The following ATP2C2 variants were observed in gnomAD, a reference collection of about 807,000 sequenced individuals.
ATP2C2 encodes ATPase secretory pathway Ca2+ transporting 2.
ATP2C2 carries 171 observed loss-of-function variants against 110.8 expected under a neutral mutation model. The observed-to-expected ratio is 1.54, with a 90% CI of 1.36 to 1.75. The LOEUF (loss-of-function observed/expected upper bound fraction) is 1.75. Ranked by LOEUF, ATP2C2 falls within the 40% of genes most tolerant of loss-of-function variation. The pLI, the probability that ATP2C2 is intolerant of heterozygous loss-of-function variation, is 0.00. For synonymous variants in ATP2C2, 804 were observed against 508.4 expected, an observed-to-expected ratio of 1.58 and a Z score of -7.82; for missense variants, 1,963 against 1,235.0, an observed-to-expected ratio of 1.59 and a Z score of -8.84.
intron 4 of ATP2C2, among the ~76,000 whole-genome samples, chr16:84,409,783 G>A (rs574069997): frequency 1.4e-4 from 22 of 152,280 alleles, no homozygotes; most frequent in African/African-American, 4.3e-4. Context: ...GATTGTAGGC[G>A]TGAGCCACTG....
At chr16:84,456,305 A>C (rs1199648990) in intron 21 of ATP2C2, among the ~76,000 whole-genome samples, 1 of 151,550 alleles carries the variant, frequency 6.6e-6, no homozygotes, top group African/African-American at 2.4e-5. Context: ...ACAATTTCAG[A>C]GCCTGTTATT....
At chr16:84,407,063 C>G (rs1395326564) in intron 3 of ATP2C2, 1 of 152,252 alleles carries the variant, frequency 6.6e-6, no homozygotes, top group East Asian at 1.9e-4. Context: ...GACGGGAGCT[C>G]CTGACGGCTG....
At chr16:84,419,372 C>G (rs543274643) in intron 7 of ATP2C2, among the ~76,000 whole-genome samples, 28 of 152,292 alleles carry the variant, frequency 1.8e-4, no homozygotes, top group African/African-American at 5.5e-4. Context: ...TGTTACATCT[C>G]CCTGACATCA....
intron 1 of ATP2C2, among the ~76,000 whole-genome samples, chr16:84,398,118 T>A (rs548191664): frequency 9.2e-5 from 14 of 151,762 alleles, no homozygotes; most frequent in Middle Eastern, 3.4e-3. Context: ...AAAAAACACA[T>A]GTGGCCGGGC....
intron 7 of ATP2C2, among the ~76,000 whole-genome samples, chr16:84,420,987 G>A (rs559399923): frequency 1.3e-5 from 2 of 152,066 alleles, no homozygotes; most frequent in Non-Finnish European, 2.9e-5. Flanking sequence ...TGTATTTTTA[G>A]TAGAGACAGG....
chr16:84,395,805 C>T (rs896002137), intron 1 of ATP2C2, among the ~76,000 whole-genome samples: 1 of 152,164 alleles, frequency 6.6e-6, no homozygotes, highest in African/African-American at 2.4e-5. Context: ...TGGCCCTTTT[C>T]TTCTGGATTT....
At chr16:84,432,436 C>T (rs1403591101) in intron 11 of ATP2C2, among the ~76,000 whole-genome samples, 1 of 151,954 alleles carries the variant, frequency 6.6e-6, no homozygotes, top group Non-Finnish European at 1.5e-5. Context: ...CCCCCGAACC[C>T]CCCGACAGGC....
At chr16:84,461,958 AC>A (rs767417424) in intron 25 of ATP2C2, 29 bp from the exon 26 acceptor site, 2 of 1,610,594 alleles carry the variant, frequency 1.2e-6, no homozygotes, top group South Asian at 2.2e-5. Flanking sequence ...TGGACAGCAC[AC>A]AATCCCCCGT....
At chr16:84,397,878 G>T (rs1905090579) in intron 1 of ATP2C2, among the ~76,000 whole-genome samples, 1 of 151,880 alleles carries the variant, frequency 6.6e-6, no homozygotes, top group Admixed American at 6.5e-5. Context: ...AGACAAGAAA[G>T]CATGTATGAG....
Position 84,453,251 on chromosome 16 carries a change from C to A in ATP2C2, c.1929+16C>A, listed in dbSNP as rs1328204388. ...CGTGGGGAAGGTGGGTCCCCGGAGG[C>A]TTGGCTGGCAGTGGGGCTGGGTCAC... On this transcript the variant is annotated intron_variant, in intron 19 of 26. Coordinates refer to ENST00000262429, the MANE Select transcript of ATP2C2 (RefSeq NM_014861.4). 6.2e-7 allele frequency: 1 copy of A among 1,613,906 alleles called. No homozygotes were observed. Among genetic ancestry groups the A allele is most frequent in the Non-Finnish European group, 8.5e-7 (1 of 1,179,930 alleles).
At chr16:84,397,638 C>T (rs753821420) in intron 1 of ATP2C2, among the ~76,000 whole-genome samples, 3 of 40,540 alleles carry the variant, frequency 7.4e-5, no homozygotes, top group Non-Finnish European at 1.9e-4. Context: ...TGCACCACTG[C>T]ACTCCAGCCT....
At position 84,461,723 on chromosome 16, in the gene ATP2C2, G is replaced by C. The variant is rs1480842970; in HGVS notation, c.2491G>C (p.Asp831His). Reference sequence around the variant, plus strand: ...TGTGCTCACCTTCCAGATGCCTGAAGACAGAGCAAGCACTCCCCGCACCAC... The same window carrying C: ...TGTGCTCACCTTCCAGATGCCTGAACACAGAGCAAGCACTCCCCGCACCAC... ...LFIFWKEMPE[D>H]RASTPRTTTM... The change falls in exon 25 of 27, where the codon GAC becomes CAC. Residue 831 changes from aspartate to histidine, a missense_variant. By Grantham distance (81) the Asp-to-His change is moderately conservative. Transcript: ENST00000262429. 1 of 1,614,138 alleles carries C rather than the reference G, an allele frequency of 6.2e-7. No individual in the cohort carries two copies. Among genetic ancestry groups the C allele is most frequent in the Non-Finnish European group, 8.5e-7 (1 of 1,179,986 alleles).
In ATP2C2 at chr16:84,374,425, C is replaced by T. The variant is rs192022026; in HGVS notation, c.99+5711C>T. ...CTGAGTTGTAAGTTGCCCCCCACCC[C>T]GAAAGGTCTGTGTTGATCAGACAGT... On this transcript the variant is annotated intron_variant, in intron 1 of 26. Transcript: ENST00000262429. Among the ~76,000 whole-genome samples the T allele has an allele frequency of 4.6e-5, 7 of 152,258 alleles. No homozygotes were observed. In the East Asian group the frequency reaches 1.2e-3, roughly 25 times the overall value.
intron 1 of ATP2C2, among the ~76,000 whole-genome samples, chr16:84,383,629 C>T (rs923644525): frequency 3.9e-5 from 6 of 152,254 alleles, no homozygotes; most frequent in East Asian, 3.9e-4. Context: ...TCCAGGGTCT[C>T]TCAGCATCGT....
chr16:84,401,284 C>T (rs1041340900), intron 2 of ATP2C2, among the ~76,000 whole-genome samples: 6 of 136,096 alleles, frequency 4.4e-5, no homozygotes, highest in African/African-American at 1.1e-4. Context: ...AGTGCGGTGG[C>T]GCTATCTCAG....
At chr16:84,446,295 G>A in intron 15 of ATP2C2, 34 bp from the exon 16 acceptor site, 2 of 1,340,050 alleles carry the variant, frequency 1.5e-6, no homozygotes, top group Non-Finnish European at 2.1e-6. Flanking sequence ...GGCTTCGGAT[G>A]ACTCACTAAA....
At chr16:84,462,160 CCT>C (rs1567469924) in intron 26 of ATP2C2, 31 bp downstream of exon 26, 2 of 1,598,496 alleles carry the variant, frequency 1.3e-6, no homozygotes, top group Non-Finnish European at 1.7e-6. Flanking sequence ...CGACAGGTGA[CCT>C]CGACCAGGGC....
chr16:84,463,426 G>A (rs1031060663), intron 26 of ATP2C2, among the ~76,000 whole-genome samples, 188 bp from the exon 27 acceptor site: 1 of 152,140 alleles, frequency 6.6e-6, no homozygotes, highest in Non-Finnish European at 1.5e-5. Flanking sequence ...GGAACCACAG[G>A]CAGGCCCTTC....
In ATP2C2 at chr16:84,459,443, C is replaced by A. The variant is rs1404251420; in HGVS notation, c.2333+57C>A. ...TCTTTACCCACCTGCGGGGCTTCCT[C>A]CAGGGGCTGCTGGCTGTGCCCCAAG... On this transcript the variant is annotated intron_variant, in intron 23 of 26. Coordinates refer to ENST00000262429, the MANE Select transcript of ATP2C2 (RefSeq NM_014861.4). 8 of 1,603,740 alleles carry A rather than the reference C, an allele frequency of 5.0e-6. No individual in the cohort carries two copies. The East Asian group carries it at 1.8e-4, about 36-fold the overall frequency.
Sources: gnomAD v4.1 joint callset for allele counts (sites outside exome capture counted in the v4.1 genomes callset) on GRCh38, gnomAD v4.1.1 for gene constraint, MANE v1.5 for transcripts, NCBI Gene and HGNC (gene_info 2026-07-23, HGNC 2026-07-21) for gene names.